C5: variants seen among roughly 807,000 people sequenced by gnomAD.
The protein encoded by C5 is C3 and PZP-like alpha-2-macroglobulin domain-containing protein 4.
In C5, 140 loss-of-function variants were observed where a neutral mutation model predicts 218.8. The observed-to-expected ratio is 0.64, with a 90% confidence interval of 0.56 to 0.74. The LOEUF (loss-of-function observed/expected upper bound fraction) is 0.74, where lower values mean the gene tolerates loss of function less well. Among genes scored for constraint, C5 ranks in the 30% least tolerant of loss-of-function variants. The probability of loss-of-function intolerance (pLI) is 0.00; values close to 1 mark genes in which losing one functional copy is unlikely to be tolerated. For synonymous variants in C5, 614 were observed against 682.3 expected, an observed-to-expected ratio of 0.90 and a Z score of 1.56; for missense variants, 1,700 against 1,969.6, an observed-to-expected ratio of 0.86 and a Z score of 2.59.
intron 28 of C5, among the ~76,000 whole-genome samples, chr9:120,977,263 G>A (rs1216547216): frequency 6.6e-6 from 1 of 152,106 alleles, no homozygotes; most frequent in African/African-American, 2.4e-5. Context: ...TGAAAATAGT[G>A]TGTAAAATTA....
At chr9:120,953,954 G>A (rs2046766978) in intron 39 of C5, 86 bp from the exon 40 acceptor site, 2 of 1,443,262 alleles carry the variant, frequency 1.4e-6, no homozygotes, top group South Asian at 1.1e-5. Flanking sequence ...GGTTCCTCGT[G>A]GCTATTGAGA....
At position 121,015,224 on chromosome 9, in the gene C5, C is replaced by T. The variant is rs1288625842; in HGVS notation, c.2034G>A (p.Thr678=). The T allele has an allele frequency of 1.2e-6, 2 of 1,607,122 alleles. No individual in the cohort carries two copies. The highest frequency in any genetic ancestry group is 1.3e-5 in the African/African-American group (1 of 74,800). ...CTATTTCTTCTATCTTCTTTTGCAGCGTTCTTCTTGGCCTGAGAATTTCTT... is the reference window on the plus strand; with the variant it reads ...CTATTTCTTCTATCTTCTTTTGCAGTGTTCTTCTTGGCCTGAGAATTTCTT... The part of the protein sequence containing the change: ...PCKEILRPRR[T]LQKKIEEIAA... Residue 678 remains threonine, a synonymous_variant, in exon 16 of 41, where the codon ACG becomes ACA. Coordinates refer to ENST00000223642, the MANE Select transcript of C5 (RefSeq NM_001735.3).
intron 17 of C5, among the ~76,000 whole-genome samples, chr9:121,012,252 T>G (rs1253549555): frequency 6.6e-6 from 1 of 151,658 alleles, no homozygotes; most frequent in Non-Finnish European, 1.5e-5. Flanking sequence ...CCACATAAAT[T>G]TAAAAATTAA....
intron 33 of C5, 27 bp from the exon 34 acceptor site, chr9:120,963,765 A>T: frequency 6.6e-7 from 1 of 1,521,670 alleles, no homozygotes; most frequent in Non-Finnish European, 9.1e-7. Context: ...GTTAGAAAAT[A>T]TAATAAATAA....
chr9:120,956,034 A>T (rs557731343), intron 39 of C5, among the ~76,000 whole-genome samples: 1 of 152,130 alleles, frequency 6.6e-6, no homozygotes, highest in East Asian at 1.9e-4. Context: ...GGTGGCTCAC[A>T]CACGTAATCC....
chr9:120,997,191 GA>G (rs34271896), intron 21 of C5, among the ~76,000 whole-genome samples: 3 of 151,112 alleles, frequency 2.0e-5, no homozygotes, highest in South Asian at 2.1e-4. Flanking sequence ...GTATTAAGGG[GA>G]AAAAAAAGCC....
At chr9:120,967,827 T>C (rs1181335873) in intron 33 of C5, among the ~76,000 whole-genome samples, 2 of 152,024 alleles carry the variant, frequency 1.3e-5, no homozygotes, top group Non-Finnish European at 2.9e-5. Context: ...GCTCAAGCAA[T>C]CCTCCTGCCT....
At chr9:121,008,927 C>CACAAACAAACAA (rs60617637) in intron 17 of C5, among the ~76,000 whole-genome samples, 4,819 of 150,402 alleles carry the variant, frequency 0.032, 108 homozygotes, top group South Asian at 0.058. Flanking sequence ...GAGACTCTGT[C>CACAAACAAACAA]ACAAACAAAC....
chr9:121,071,554 G>A, the C5 span, among the ~76,000 whole-genome samples: 1 of 151,932 alleles, frequency 6.6e-6, no homozygotes, highest in Non-Finnish European at 1.5e-5. Context: ...GTGTGGTGGT[G>A]CACACCTATA....
chr9:120,977,585 G>C (rs1482930419), intron 28 of C5, among the ~76,000 whole-genome samples: 2 of 152,120 alleles, frequency 1.3e-5, no homozygotes, highest in African/African-American at 4.8e-5. Flanking sequence ...TTCCTGAGTG[G>C]CTGGGACTAT....
At chr9:121,046,697 G>T (rs1444832983) in intron 1 of C5, among the ~76,000 whole-genome samples, 2 of 152,152 alleles carry the variant, frequency 1.3e-5, no homozygotes, top group Non-Finnish European at 1.5e-5. Flanking sequence ...TGTAAATGGG[G>T]TCAATATTTT....
chr9:121,043,260 TC>T (rs1162795894), intron 2 of C5, 94 bp from the exon 3 acceptor site: 2 of 1,027,540 alleles, frequency 1.9e-6, no homozygotes, highest in Admixed American at 4.1e-5. Flanking sequence ...ATTAGAACAA[TC>T]AGTATGTATA....
chr9:121,057,311 G>T, the C5 span, among the ~76,000 whole-genome samples: 3 of 152,084 alleles, frequency 2.0e-5, no homozygotes, highest in Non-Finnish European at 4.4e-5. Flanking sequence ...ATTACACAGA[G>T]AAATACAGAA....
intron 22 of C5, among the ~76,000 whole-genome samples, chr9:120,995,900 C>T (rs2047112889): frequency 6.7e-6 from 1 of 149,686 alleles, no homozygotes; most frequent in African/African-American, 2.5e-5. Flanking sequence ...CTCACTGTAA[C>T]CTCCACCTCT....
chr9:121,015,266 T>G lies in C5; in HGVS notation c.1997-5A>C. The G allele has an allele frequency of 6.3e-7, 1 of 1,590,976 alleles. No individual in the cohort carries two copies. Among genetic ancestry groups the G allele is most frequent in the Non-Finnish European group, 8.6e-7 (1 of 1,161,950 alleles). ...GAATTTCTTTACAAGGTTCATCTGG[T>G]TTTTTTAAAAAAAGATAAAGAAGAA... On this transcript the variant is annotated splice_region_variant and splice_polypyrimidine_tract_variant and intron_variant, in intron 15 of 40. Coordinates refer to ENST00000223642, the MANE Select transcript of C5 (RefSeq NM_001735.3).
At chr9:121,038,482 T>C (rs1359382778) in intron 3 of C5, among the ~76,000 whole-genome samples, 2 of 152,212 alleles carry the variant, frequency 1.3e-5, no homozygotes, top group Non-Finnish European at 2.9e-5. Flanking sequence ...TTTGTTCTAT[T>C]TATTGAGCCA....
chr9:121,017,916 T>C (rs2047322665), intron 12 of C5, 64 bp from the exon 13 acceptor site: 1 of 1,027,440 alleles, frequency 9.7e-7, no homozygotes, highest in South Asian at 1.3e-5. Context: ...AAACCTGTGC[T>C]TTAGGATGCA....
intron 37 of C5, among the ~76,000 whole-genome samples, chr9:120,960,632 G>C (rs570563079): frequency 6.6e-6 from 1 of 152,194 alleles, no homozygotes; most frequent in Non-Finnish European, 1.5e-5. Context: ...ACACAAATTC[G>C]TAAACTTTCT....
intron 18 of C5, 95 bp from the exon 19 acceptor site, chr9:121,007,072 CT>C: frequency 1.1e-6 from 1 of 913,184 alleles, no homozygotes; most frequent in Non-Finnish European, 1.8e-6. Context: ...CTTCAAACTA[CT>C]TTAGAGAAAG....
Sources: gnomAD v4.1 joint callset for allele counts (sites outside exome capture counted in the v4.1 genomes callset) on GRCh38, gnomAD v4.1.1 for gene constraint, MANE v1.5 for transcripts, NCBI Gene and HGNC (gene_info 2026-07-23, HGNC 2026-07-21) for gene names.